ADGRG2: variants seen among roughly 807,000 people sequenced by gnomAD.
The protein encoded by ADGRG2 is G protein-coupled receptor 64.
In ADGRG2, 26 loss-of-function variants were observed where a neutral mutation model predicts 74.1. The observed-to-expected ratio is 0.35, with a 90% CI of 0.26 to 0.49. The LOEUF (loss-of-function observed/expected upper bound fraction) is 0.49. ADGRG2 is among the 20% of genes least tolerant of loss of function. ADGRG2 has a pLI of 0.99. For synonymous variants in ADGRG2, 296 were observed against 295.2 expected (o/e 1.00, Z -0.03); for missense variants, 619 against 763.1 (o/e 0.81, Z 2.22).
Position 19,088,552 on chromosome X carries a change from T to A in ADGRG2, c.-46-5806A>T, listed in dbSNP as rs1164850169. On this transcript the variant is annotated intron_variant, in intron 1 of 28. Transcript: ENST00000379869. ...CTCTGTTGCTCAGGCTGAAGTGCAG[T>A]GGCGCAATTACTGCAGACTCAATAT... Among the ~76,000 whole-genome samples, 52 of 111,649 alleles carry A rather than the reference T, an allele frequency of 4.7e-4. No homozygotes were observed. In the Admixed American group the frequency reaches 4.9e-3, roughly 10 times the overall value.
chrX:19,116,506 C>CAAAAAAAAA (rs10677696), intron 1 of ADGRG2, among the ~76,000 whole-genome samples: 3 of 24,015 alleles, frequency 1.2e-4, no homozygotes, highest in African/African-American at 4.0e-4. Flanking sequence ...GATTCCGTCT[C>CAAAAAAAAA]AAAAAAAAAA....
Position 19,003,891 on chromosome X carries a change from A to G in ADGRG2, c.1962-777T>C, listed in dbSNP as rs774558309. 3.6e-5 allele frequency among the ~76,000 whole-genome samples: 4 copies of G among 112,250 alleles called. No homozygotes were observed. In the South Asian group the frequency reaches 1.5e-3, roughly 41 times the overall value. On this transcript the variant is annotated intron_variant, in intron 23 of 28. Coordinates refer to ENST00000379869, the MANE Select transcript of ADGRG2 (RefSeq NM_001079858.3). Reference sequence around the variant, plus strand: ...AAAGAAGAGTTTAAACTACAGCTAAATGTAATAGCATAGGAGAAGCCAGCT... The same window carrying G: ...AAAGAAGAGTTTAAACTACAGCTAAGTGTAATAGCATAGGAGAAGCCAGCT...
intron 3 of ADGRG2, among the ~76,000 whole-genome samples, chrX:19,060,843 C>T (rs193206624): frequency 1.8e-3 from 197 of 111,524 alleles, no homozygotes; most frequent in Non-Finnish European, 1.5e-3. Context: ...CCACCACACC[C>T]GGCCGAGGCA....
chrX:19,026,290 T>C (rs2060699050), intron 11 of ADGRG2, among the ~76,000 whole-genome samples: 1 of 112,577 alleles, frequency 8.9e-6, no homozygotes, highest in African/African-American at 3.2e-5. Context: ...TACAGCAGAT[T>C]TGCTTCAAAA....
Position 19,048,356 on chromosome X carries a change from A to G in ADGRG2, c.119-8132T>C, listed in dbSNP as rs140528745. On this transcript the variant is annotated intron_variant, in intron 3 of 28. Coordinates refer to ENST00000379869, the MANE Select transcript of ADGRG2 (RefSeq NM_001079858.3). ...TACTATATGACCGGGCACTGCGTAA[A>G]TATTAGCTCATTTAGCCCTCATAAC... 6.2e-3 allele frequency among the ~76,000 whole-genome samples: 701 copies of G among 112,620 alleles called. 4 individuals are homozygous for G. The highest frequency in any genetic ancestry group is 0.022 in the African/African-American group (671 of 31,023).
At chrX:19,032,370 A>G (rs772871414) in intron 8 of ADGRG2, 2 of 111,999 alleles carry the variant, frequency 1.8e-5, no homozygotes, top group Non-Finnish European at 3.8e-5. Flanking sequence ...AGAACTCACT[A>G]TAACATATAT....
intron 1 of ADGRG2, among the ~76,000 whole-genome samples, chrX:19,111,397 T>C (rs2062409710): frequency 9.1e-6 from 1 of 109,990 alleles, no homozygotes; most frequent in Non-Finnish European, 1.9e-5. Context: ...CCCAGTGCCT[T>C]GGAGGGACAT....
intron 1 of ADGRG2, among the ~76,000 whole-genome samples, chrX:19,102,636 G>C (rs111411395): frequency 0.045 from 4,960 of 109,784 alleles, 124 homozygotes; most frequent in African/African-American, 0.089. Context: ...GGAGATGGGG[G>C]TGGAGTCATG....
chrX:19,058,735 C>T (rs983645933), intron 3 of ADGRG2, among the ~76,000 whole-genome samples: 1 of 112,406 alleles, frequency 8.9e-6, no homozygotes, highest in Non-Finnish European at 1.9e-5. Context: ...ACATCACAAA[C>T]ATCATTGCAA....
chrX:19,052,507 A>G (rs888161058), intron 3 of ADGRG2, among the ~76,000 whole-genome samples: 2 of 110,581 alleles, frequency 1.8e-5, no homozygotes, highest in Admixed American at 1.9e-4. Flanking sequence ...GAGATGCAGT[A>G]GAGGCTTTTT....
At chrX:19,045,630 C>T (rs1421724863) in intron 3 of ADGRG2, among the ~76,000 whole-genome samples, 1 of 109,995 alleles carries the variant, frequency 9.1e-6, no homozygotes, top group African/African-American at 3.3e-5. Flanking sequence ...TATTAATCTT[C>T]TTTAATCTCT....
At chrX:19,109,080 G>A (rs2062367346) in intron 1 of ADGRG2, among the ~76,000 whole-genome samples, 1 of 110,266 alleles carries the variant, frequency 9.1e-6, no homozygotes, top group African/African-American at 3.3e-5. Flanking sequence ...GAAGAAGAAC[G>A]CTCTAAATAT....
At chrX:19,085,476 G>A (rs1446362848) in intron 1 of ADGRG2, among the ~76,000 whole-genome samples, 2 of 110,715 alleles carry the variant, frequency 1.8e-5, no homozygotes, top group South Asian at 3.9e-4. Context: ...CTACAGTCAC[G>A]TGCAACCATG....
At chrX:19,021,733 C>T (rs1206076377) in intron 13 of ADGRG2, among the ~76,000 whole-genome samples, 4 of 110,650 alleles carry the variant, frequency 3.6e-5, no homozygotes, top group Non-Finnish European at 7.6e-5. Context: ...GCAACCTCCC[C>T]GCCTCCCAGG....
intron 1 of ADGRG2, among the ~76,000 whole-genome samples, chrX:19,097,249 C>T (rs773554003): frequency 8.9e-6 from 1 of 112,969 alleles, no homozygotes; most frequent in African/African-American, 3.2e-5. Context: ...TTGTGGCTTA[C>T]GCCTGTAATC....
At chrX:19,019,465 C>A (rs186278053) in intron 15 of ADGRG2, 134 bp downstream of exon 15, 36 of 442,375 alleles carry the variant, frequency 8.1e-5, no homozygotes, top group African/African-American at 7.9e-4. Context: ...GTGGAAACTT[C>A]ATACTGCAGA....
Position 18,996,333 on chromosome X carries a change from A to G in ADGRG2, c.2615-181T>C, listed in dbSNP as rs772835424. Among the ~76,000 whole-genome samples, 8 of 111,784 alleles carry G rather than the reference A, an allele frequency of 7.2e-5. No individual in the cohort carries two copies. In the East Asian group the frequency reaches 2.2e-3, roughly 31 times the overall value. Reference sequence around the variant, plus strand: ...GCTGTCAAAAGGCATCGGGGAATGAATGCCTTTAGAAAATCTTTGTAAGAT... The same window carrying G: ...GCTGTCAAAAGGCATCGGGGAATGAGTGCCTTTAGAAAATCTTTGTAAGAT... On this transcript the variant is annotated intron_variant, in intron 26 of 28. Transcript: ENST00000379869.
At chrX:19,079,987 C>A (rs981139799) in intron 2 of ADGRG2, among the ~76,000 whole-genome samples, 1 of 107,569 alleles carries the variant, frequency 9.3e-6, no homozygotes, top group Non-Finnish European at 1.9e-5. Context: ...CTCGGCTCAC[C>A]GCAACCTCCA....
intron 1 of ADGRG2, among the ~76,000 whole-genome samples, chrX:19,105,948 A>AAAG (rs1245525827): frequency 8.4e-5 from 9 of 106,519 alleles, no homozygotes; most frequent in East Asian, 5.8e-4. Context: ...AAAAAAAAAA[A>AAAG]AAGAAGAAGA....
Sources: gnomAD v4.1 joint callset for allele counts (sites outside exome capture counted in the v4.1 genomes callset) on GRCh38, gnomAD v4.1.1 for gene constraint, MANE v1.5 for transcripts, NCBI Gene and HGNC (gene_info 2026-07-23, HGNC 2026-07-21) for gene names.